IFT81: variants seen among roughly 807,000 people sequenced by gnomAD.
IFT81 encodes the protein intraflagellar transport protein 81 homolog.
Under a neutral mutation model 102.6 loss-of-function variants are expected in IFT81, and 72 were observed. That is an observed-to-expected ratio of 0.70 (90% CI 0.58 to 0.85). The LOEUF (loss-of-function observed/expected upper bound fraction) is 0.85. Ranked by LOEUF, IFT81 falls within the 40% of genes least tolerant of loss-of-function variation. The pLI is 0.00. For missense variants in IFT81, 723 were observed against 787.3 expected, an observed-to-expected ratio of 0.92 and a Z score of 0.98; for synonymous variants, 237 against 242.7, an observed-to-expected ratio of 0.98 and a Z score of 0.22.
chr12:110,143,661 A>AAG, intron 9 of IFT81, 116 bp downstream of exon 9: 1 of 752,888 alleles, frequency 1.3e-6, no homozygotes, highest in Admixed American at 3.0e-5. Flanking sequence ...AACCTGTGCT[A>AAG]AGAGTTGACA....
At chr12:110,128,838 A>T in intron 3 of IFT81, 112 bp from the exon 4 acceptor site, 2 of 717,278 alleles carry the variant, frequency 2.8e-6, no homozygotes, top group East Asian at 2.9e-5. Flanking sequence ...TTTTTTAAAA[A>T]GTTACAGAAA....
chr12:110,193,539 T>C (rs539075396), intron 14 of IFT81, among the ~76,000 whole-genome samples: 1 of 152,336 alleles, frequency 6.6e-6, no homozygotes, highest in Middle Eastern at 3.4e-3. Context: ...AGAAGGTAAA[T>C]GCCCTCTACA....
At chr12:110,188,217 A>G (rs1897628081) in intron 12 of IFT81, among the ~76,000 whole-genome samples, 2 of 151,736 alleles carry the variant, frequency 1.3e-5, no homozygotes, top group South Asian at 4.2e-4. Flanking sequence ...CGGGAATCCC[A>G]GCTGCTCGGG....
chr12:110,179,990 T>G lies in IFT81; in HGVS notation c.1189-432T>G, dbSNP rs1014653138. On this transcript the variant is annotated intron_variant, in intron 11 of 18. Transcript: ENST00000242591. ...TTGGTAAGTACTATTTATTATCTGT[T>G]ATGTATTAGGCACTGTGCCAGACAC... is the stretch of plus-strand genomic sequence containing the variant. 6.4e-5 allele frequency among the ~76,000 whole-genome samples: 7 copies of G among 108,812 alleles called. No homozygotes were observed. In the Admixed American group the frequency reaches 6.6e-4, roughly 10 times the overall value. 71.4% of individuals were successfully genotyped at this position (108,812 alleles called of 152,430 possible).
At chr12:110,126,959 T>G (rs1196517621) in intron 1 of IFT81, among the ~76,000 whole-genome samples, 1 of 152,140 alleles carries the variant, frequency 6.6e-6, no homozygotes, top group East Asian at 1.9e-4. Context: ...CTCTCAATGT[T>G]TTTTGGGAGA....
Position 110,143,404 on chromosome 12 carries a change from G to A in IFT81, c.804G>A (p.Glu268=), listed in dbSNP as rs1593293514. 7.1e-7 allele frequency: 1 copy of A among 1,400,320 alleles called. No individual in the cohort carries two copies. Among genetic ancestry groups the A allele is most frequent in the African/African-American group, 1.5e-5 (1 of 66,848 alleles). 86.7% of individuals were successfully genotyped at this position (1,400,320 alleles called of 1,614,324 possible). A position where few individuals can be genotyped will look rare whatever the true frequency, so the allele number is the denominator to read the frequency against. ...AAGGTTTAATGAAGAGGCTAGAGGA[G>A]GAGATAAAATTTAATTTATATATGG... ...KPESLMKRLE[E]EIKFNLYMVT... is the part of the protein sequence containing the mutation. The change falls in exon 9 of 19, where the codon GAG becomes GAA. Residue 268 remains glutamate (E), a synonymous_variant. Coordinates refer to ENST00000242591, the MANE Select transcript of IFT81 (RefSeq NM_014055.4).
chr12:110,216,206 T>A (rs1021738993), intron 18 of IFT81, among the ~76,000 whole-genome samples: 1 of 151,862 alleles, frequency 6.6e-6, no homozygotes, highest in Non-Finnish European at 1.5e-5. Flanking sequence ...GTTTTGTTTT[T>A]AAGAGACAGG....
intron 14 of IFT81, among the ~76,000 whole-genome samples, chr12:110,196,889 C>T (rs1222431692): frequency 6.6e-6 from 1 of 151,854 alleles, no homozygotes; most frequent in African/African-American, 2.4e-5. Flanking sequence ...TTATTTTTGT[C>T]TTATGTATGT....
At chr12:110,197,276 A>ATAGG (rs1034349751) in intron 14 of IFT81, among the ~76,000 whole-genome samples, 1 of 151,932 alleles carries the variant, frequency 6.6e-6, no homozygotes, top group African/African-American at 2.4e-5. Flanking sequence ...AGATAGATAG[A>ATAGG]TAGATAGATA....
intron 10 of IFT81, 109 bp from the exon 11 acceptor site, chr12:110,162,810 C>A: frequency 1.1e-6 from 1 of 903,554 alleles, no homozygotes; most frequent in Non-Finnish European, 1.6e-6. Flanking sequence ...AGAGGCCAAG[C>A]TGATATTGAA....
At chr12:110,145,710 C>G (rs750899081) in intron 9 of IFT81, among the ~76,000 whole-genome samples, 2 of 152,038 alleles carry the variant, frequency 1.3e-5, no homozygotes, top group Non-Finnish European at 2.9e-5. Context: ...GCTGGGATTA[C>G]AGGTGTGAGC....
At chr12:110,173,264 C>T (rs1361999629) in intron 11 of IFT81, among the ~76,000 whole-genome samples, 1 of 148,236 alleles carries the variant, frequency 6.7e-6, no homozygotes, top group Non-Finnish European at 1.5e-5. Flanking sequence ...AGGTGAGGGG[C>T]GCCTCTGCCC....
intron 14 of IFT81, among the ~76,000 whole-genome samples, chr12:110,197,337 T>G (rs962132083): frequency 2.6e-5 from 4 of 151,994 alleles, no homozygotes; most frequent in African/African-American, 9.7e-5. Flanking sequence ...TTTGAGAATC[T>G]GTCTTTTAAG....
intron 15 of IFT81, 129 bp downstream of exon 15, chr12:110,204,079 A>G: frequency 1.6e-6 from 1 of 628,566 alleles, no homozygotes; most frequent in Non-Finnish European, 2.8e-6. Flanking sequence ...ACAGTGAGCT[A>G]TGATCACACC....
At chr12:110,197,325 A>T (rs969983564) in intron 14 of IFT81, among the ~76,000 whole-genome samples, 1 of 152,016 alleles carries the variant, frequency 6.6e-6, no homozygotes, top group Non-Finnish European at 1.5e-5. Context: ...TCTTACATCC[A>T]GTTTGAGAAT....
chr12:110,180,774 C>T (rs573660848), intron 12 of IFT81, among the ~76,000 whole-genome samples: 3 of 152,172 alleles, frequency 2.0e-5, no homozygotes, highest in East Asian at 1.9e-4. Context: ...GTGCTGACTT[C>T]GGGGTTATTA....
rs142964398 is a variant in IFT81, at chr12:110,174,523, G to C, written c.1189-5899G>C. 7.0e-4 allele frequency among the ~76,000 whole-genome samples: 106 copies of C among 151,086 alleles called. No individual in the cohort carries two copies. The Middle Eastern group carries it at 0.014, about 20-fold the overall frequency. On this transcript the variant is annotated intron_variant, in intron 11 of 18. Transcript: ENST00000242591. Reference sequence around the variant, plus strand: ...AATGTAAAGTGCTTATTATATGATAGTCTTGTCAAGTCTTCACAGCTAATT... The same window carrying C: ...AATGTAAAGTGCTTATTATATGATACTCTTGTCAAGTCTTCACAGCTAATT...
intron 8 of IFT81, among the ~76,000 whole-genome samples, chr12:110,138,130 A>ATCTTTC (rs143005971): frequency 0.017 from 2,566 of 152,326 alleles, 35 homozygotes; most frequent in South Asian, 0.054. Context: ...GGGTTAATTC[A>ATCTTTC]TCTTTCTGTA....
chr12:110,201,520 T>G (rs141060153), intron 14 of IFT81, among the ~76,000 whole-genome samples: 4,196 of 151,962 alleles, frequency 0.028, 85 homozygotes, highest in Middle Eastern at 0.082. Context: ...AGCCTCAACC[T>G]CCCGGCCTCA....
Sources: allele counts gnomAD v4.1 joint callset (sites outside exome capture counted in the v4.1 genomes callset), GRCh38; gene constraint gnomAD v4.1.1; transcripts MANE v1.5; gene names NCBI Gene and HGNC (gene_info 2026-07-23, HGNC 2026-07-21).